Variants in EFR3A observed in about 807,000 individuals in gnomAD.
The protein encoded by EFR3A is protein EFR3 homolog A.
Under a neutral mutation model 104.4 loss-of-function variants are expected in EFR3A, and 76 were observed. The observed-to-expected ratio is 0.73, with a 90% CI of 0.60 to 0.88. The LOEUF (loss-of-function observed/expected upper bound fraction) is 0.88. Ranked by LOEUF, EFR3A falls within the 40% of genes least tolerant of loss-of-function variation. EFR3A has a pLI of 0.00. For synonymous variants in EFR3A, 330 were observed against 330.0 expected, an observed-to-expected ratio of 1.00 and a Z score of 0.00; for missense variants, 985 against 1,012.5, an observed-to-expected ratio of 0.97 and a Z score of 0.37.
chr8:131,955,700 G>C, intron 6 of EFR3A, 68 bp from the exon 7 acceptor site: 1 of 1,504,694 alleles, frequency 6.6e-7, no homozygotes, highest in Non-Finnish European at 9.0e-7. Flanking sequence ...AAAAAGTAAA[G>C]TATATTTTGT....
At chr8:131,905,235 A>G (rs1391093205) in intron 1 of EFR3A, among the ~76,000 whole-genome samples, 2 of 152,200 alleles carry the variant, frequency 1.3e-5, no homozygotes, top group Non-Finnish European at 2.9e-5. Flanking sequence ...GTTCAATACT[A>G]TAGAATCTTT....
chr8:131,995,189 C>T (rs554565773), intron 18 of EFR3A, among the ~76,000 whole-genome samples: 3 of 152,294 alleles, frequency 2.0e-5, no homozygotes, highest in South Asian at 2.1e-4. Context: ...ATTACCATCT[C>T]CATGCTGCAG....
At chr8:131,991,855 G>C (rs991207646) in intron 18 of EFR3A, among the ~76,000 whole-genome samples, 2 of 152,074 alleles carry the variant, frequency 1.3e-5, no homozygotes, top group Non-Finnish European at 2.9e-5. Flanking sequence ...TTCCACAAAG[G>C]GAAAGGTGGC....
intron 22 of EFR3A, among the ~76,000 whole-genome samples, chr8:132,008,354 C>T (rs1822149267): frequency 6.6e-6 from 1 of 151,774 alleles, no homozygotes; most frequent in African/African-American, 2.4e-5. Context: ...ATTTTGTGCC[C>T]AATAAAATGA....
intron 8 of EFR3A, among the ~76,000 whole-genome samples, chr8:131,962,528 C>T (rs1013484233): frequency 6.6e-6 from 1 of 152,166 alleles, no homozygotes; most frequent in African/African-American, 2.4e-5. Context: ...AATATATATG[C>T]ACCCAATACA....
At chr8:131,926,603 G>GT (rs969740761) in intron 1 of EFR3A, among the ~76,000 whole-genome samples, 13 of 151,772 alleles carry the variant, frequency 8.6e-5, no homozygotes, top group Admixed American at 5.9e-4. Flanking sequence ...CCTGTAAGTT[G>GT]TTTTTTTAAA....
At chr8:131,959,971 G>A (rs1455705912) in intron 8 of EFR3A, among the ~76,000 whole-genome samples, 7 of 152,142 alleles carry the variant, frequency 4.6e-5, no homozygotes, top group South Asian at 2.1e-4. Context: ...TAGGGGTTCC[G>A]AATTATCACA....
At chr8:131,939,587 C>T (rs1331567101) in intron 1 of EFR3A, among the ~76,000 whole-genome samples, 2 of 152,028 alleles carry the variant, frequency 1.3e-5, no homozygotes, top group Non-Finnish European at 2.9e-5. Context: ...AAACTTGAAA[C>T]ATTAGGACTT....
intron 16 of EFR3A, among the ~76,000 whole-genome samples, chr8:131,985,272 G>A (rs958513495): frequency 6.6e-6 from 1 of 152,128 alleles, no homozygotes; most frequent in East Asian, 1.9e-4. Flanking sequence ...ATAGTTTAAT[G>A]TAGTGGTTGA....
chr8:132,004,424 G>A (rs1386238391), intron 22 of EFR3A, among the ~76,000 whole-genome samples: 2 of 152,190 alleles, frequency 1.3e-5, no homozygotes, highest in African/African-American at 4.8e-5. Context: ...AACTGCTCAT[G>A]CAAGGGATCT....
At chr8:132,009,634 C>T (rs990757718) in intron 22 of EFR3A, among the ~76,000 whole-genome samples, 7 of 152,032 alleles carry the variant, frequency 4.6e-5, no homozygotes, top group Non-Finnish European at 8.8e-5. Context: ...CTCATTTGGA[C>T]AACTGCTGAA....
At chr8:131,936,761 G>A (rs750898069) in intron 1 of EFR3A, among the ~76,000 whole-genome samples, 57 of 152,092 alleles carry the variant, frequency 3.7e-4, no homozygotes, top group Non-Finnish European at 7.6e-4. Context: ...TGGAAAAGAT[G>A]CATAGGTCCA....
intron 8 of EFR3A, among the ~76,000 whole-genome samples, chr8:131,964,282 G>A (rs1819567807): frequency 6.6e-6 from 1 of 151,972 alleles, no homozygotes; most frequent in African/African-American, 2.4e-5. Context: ...AAGTCAAATT[G>A]TCCCTGTTTG....
At chr8:131,937,741 C>T (rs954316914) in intron 1 of EFR3A, among the ~76,000 whole-genome samples, 1 of 150,714 alleles carries the variant, frequency 6.6e-6, no homozygotes, top group African/African-American at 2.4e-5. Context: ...TTAGACTTGC[C>T]AGTTGTTGGA....
chr8:131,921,424 C>A (rs1476403339), intron 1 of EFR3A, among the ~76,000 whole-genome samples: 1 of 152,152 alleles, frequency 6.6e-6, no homozygotes, highest in Non-Finnish European at 1.5e-5. Flanking sequence ...ACCCCCCTCT[C>A]TCTAGATATG....
intron 1 of EFR3A, among the ~76,000 whole-genome samples, chr8:131,938,785 C>T (rs1818026597): frequency 6.6e-6 from 1 of 152,096 alleles, no homozygotes; most frequent in Non-Finnish European, 1.5e-5. Context: ...TCCTCAGATC[C>T]TCCCCAGCTG....
intron 10 of EFR3A, among the ~76,000 whole-genome samples, chr8:131,974,781 A>T (rs530242129): frequency 2.0e-5 from 3 of 152,306 alleles, no homozygotes; most frequent in African/African-American, 7.2e-5. Flanking sequence ...AATGTACGTG[A>T]TTGTGGGAAA....
intron 1 of EFR3A, among the ~76,000 whole-genome samples, chr8:131,906,622 G>A (rs967570133): frequency 6.6e-6 from 1 of 152,140 alleles, no homozygotes; most frequent in Non-Finnish European, 1.5e-5. Flanking sequence ...GTTAAGCAAT[G>A]ATATATCTCA....
intron 4 of EFR3A, among the ~76,000 whole-genome samples, chr8:131,948,678 C>T (rs1350077098): frequency 6.6e-6 from 1 of 152,028 alleles, no homozygotes; most frequent in Non-Finnish European, 1.5e-5. Flanking sequence ...CCCAGCAATG[C>T]CATTAGATTG....
Sources: allele counts gnomAD v4.1 joint callset (sites outside exome capture counted in the v4.1 genomes callset), GRCh38; gene constraint gnomAD v4.1.1; transcripts MANE v1.5; gene names NCBI Gene and HGNC (gene_info 2026-07-23, HGNC 2026-07-21).